Variants in MAP2K5 observed in about 807,000 individuals in gnomAD.
MAP2K5 encodes dual specificity mitogen-activated protein kinase kinase 5.
MAP2K5 carries 49 observed loss-of-function variants against 83.1 expected under a neutral mutation model. The observed-to-expected ratio is 0.59, with a 90% CI of 0.47 to 0.75. MAP2K5 has a LOEUF of 0.75. Ranked by LOEUF, MAP2K5 falls within the 30% of genes least tolerant of loss-of-function variation. The pLI, the probability that MAP2K5 is intolerant of heterozygous loss-of-function variation, is 0.00. For missense variants in MAP2K5, 457 were observed against 557.5 expected, an observed-to-expected ratio of 0.82 and a Z score of 1.82; for synonymous variants, 202 against 191.8, an observed-to-expected ratio of 1.05 and a Z score of -0.44.
intron 11 of MAP2K5, among the ~76,000 whole-genome samples, chr15:67,650,515 G>GT (rs35510441): frequency 0.55 from 79,557 of 144,824 alleles, 22,331 homozygotes; most frequent in East Asian, 0.85. Flanking sequence ...AGTTTGTTGA[G>GT]TTTTTTTTTT....
rs572208512 is a variant in MAP2K5, at chr15:67,747,979, A to G, written c.1075-252A>G. Among the ~76,000 whole-genome samples, 27 of 152,368 alleles carry G rather than the reference A, an allele frequency of 1.8e-4. No homozygotes were observed. The South Asian group carries it at 5.2e-3, about 29-fold the overall frequency. ...CGTAAACAGCCTTTTGAAATGGATT[A>G]TGGTTTTTCTCCCTATTCTAATACA... is the stretch of plus-strand genomic sequence containing the variant. On this transcript the variant is annotated intron_variant, in intron 17 of 21. Coordinates refer to ENST00000178640, the MANE Select transcript of MAP2K5 (RefSeq NM_145160.3). This position sits in a 1 kb window ranked among gnomAD's most constrained non-coding sequence, Gnocchi z 4.1.
intron 16 of MAP2K5, among the ~76,000 whole-genome samples, chr15:67,715,675 T>C (rs189105157): frequency 3.2e-4 from 48 of 152,254 alleles, no homozygotes; most frequent in Middle Eastern, 3.4e-3. Flanking sequence ...ATATGAAGAA[T>C]AAAGAAAGAC....
intron 20 of MAP2K5, among the ~76,000 whole-genome samples, chr15:67,772,457 G>T (rs2090160761): frequency 6.6e-6 from 1 of 152,068 alleles, no homozygotes; most frequent in Non-Finnish European, 1.5e-5. Context: ...TATTTGTGTT[G>T]CAAAATATTT....
chr15:67,796,999 G>A (rs896544906), intron 21 of MAP2K5, among the ~76,000 whole-genome samples: 23 of 152,212 alleles, frequency 1.5e-4, no homozygotes, highest in African/African-American at 5.1e-4. Context: ...GACCCCCAGG[G>A]AGGCTGGGAG....
chr15:67,701,942 C>G (rs894450653), intron 15 of MAP2K5, among the ~76,000 whole-genome samples: 1 of 152,210 alleles, frequency 6.6e-6, no homozygotes, highest in African/African-American at 2.4e-5. Context: ...CGCTCCTGGA[C>G]AGTGCATTTA....
intron 1 of MAP2K5, chr15:67,549,301 A>G (rs894972530): frequency 1.3e-5 from 14 of 1,069,858 alleles, no homozygotes; most frequent in Non-Finnish European, 1.7e-5. Context: ...TTGATGTCAG[A>G]TTATATACCC....
chr15:67,751,307 C>T (rs1415364659), intron 19 of MAP2K5, among the ~76,000 whole-genome samples: 3 of 151,984 alleles, frequency 2.0e-5, no homozygotes, highest in African/African-American at 7.2e-5. Flanking sequence ...CTTGGTGGTC[C>T]AAGTAAATTT....
intron 13 of MAP2K5, among the ~76,000 whole-genome samples, chr15:67,691,646 C>T (rs528642545): frequency 1.3e-5 from 2 of 152,142 alleles, no homozygotes; most frequent in Non-Finnish European, 2.9e-5. Context: ...CTGCTCTATA[C>T]CATCAAAAGT....
At position 67,778,612 on chromosome 15, in the gene MAP2K5, G is replaced by A. The variant is rs758787912; in HGVS notation, c.1242+5860G>A. Among the ~76,000 whole-genome samples the A allele has an allele frequency of 2.8e-4, 43 of 152,148 alleles. No homozygotes were observed. The highest frequency in any genetic ancestry group is 4.4e-4 in the Non-Finnish European group (30 of 68,028). ...CACCAGCAAGTCTTAGAGAAGTCAC[G>A]AGGAAAGATGGAAAAGGATCTTACC... On this transcript the variant is annotated intron_variant, in intron 21 of 21. Transcript: ENST00000178640. The surrounding 1 kb of genome is among the most constrained non-coding windows in gnomAD (Gnocchi z 5.0).
intron 2 of MAP2K5, among the ~76,000 whole-genome samples, chr15:67,558,176 C>T (rs1309229413): frequency 6.6e-6 from 1 of 152,150 alleles, no homozygotes; most frequent in Non-Finnish European, 1.5e-5. Context: ...TCCTTAAGGT[C>T]AGTGGACAGT....
At chr15:67,706,940 G>C (rs2088569075) in intron 16 of MAP2K5, among the ~76,000 whole-genome samples, 1 of 152,182 alleles carries the variant, frequency 6.6e-6, no homozygotes, top group African/African-American at 2.4e-5. Context: ...TTTTGAGACG[G>C]AGTCTTGCTC....
intron 1 of MAP2K5, chr15:67,549,203 A>G: frequency 1.3e-6 from 2 of 1,535,186 alleles, no homozygotes; most frequent in Non-Finnish European, 1.7e-6. Context: ...CACTTTCCCC[A>G]GAGCGTAGGT....
Position 67,791,436 on chromosome 15 carries a change from AC to A in MAP2K5, c.1243-15208del, listed in dbSNP as rs1164731414. On this transcript the variant is annotated intron_variant, in intron 21 of 21. Coordinates refer to ENST00000178640, the MANE Select transcript of MAP2K5 (RefSeq NM_145160.3). Reference sequence around the variant, plus strand: ...AAGAAACTTGGGCTCAGGCATCATTACCATCTTAGAGTGCAGTGTCCTTGTT... The same window carrying A: ...AAGAAACTTGGGCTCAGGCATCATTACATCTTAGAGTGCAGTGTCCTTGTT... Among the ~76,000 whole-genome samples the A allele has an allele frequency of 5.9e-5, 9 of 152,352 alleles. 1 individual carries two copies. Among genetic ancestry groups the A allele is most frequent in the Middle Eastern group, 6.8e-3 (2 of 294 alleles).
At position 67,738,994 on chromosome 15, in the gene MAP2K5, T is replaced by A. The variant is rs1166144178; in HGVS notation, c.1075-9237T>A. Among the ~76,000 whole-genome samples the A allele has an allele frequency of 6.6e-6, 1 of 152,004 alleles. No homozygotes were observed. Among genetic ancestry groups the A allele is most frequent in the African/African-American group, 2.4e-5 (1 of 41,406 alleles). On this transcript the variant is annotated intron_variant, in intron 17 of 21. Transcript: ENST00000178640. This position sits in a 1 kb window ranked among gnomAD's most constrained non-coding sequence, Gnocchi z 4.1. The stretch of plus-strand genomic sequence containing the variant: ...AAAACTCTGAATCAAATATCAAACA[T>A]TGGAGCCAGGTGTGCTAGCTCAAAC...
intron 2 of MAP2K5, 57 bp downstream of exon 2, chr15:67,550,139 G>C: frequency 7.3e-7 from 1 of 1,368,314 alleles, no homozygotes; most frequent in Non-Finnish European, 1.0e-6. Flanking sequence ...TTTTTTAAAG[G>C]GTTTATGGGT....
In MAP2K5 at chr15:67,747,266, G is replaced by C. The variant is rs943328269; in HGVS notation, c.1075-965G>C. 3.9e-5 allele frequency among the ~76,000 whole-genome samples: 6 copies of C among 152,162 alleles called. No homozygotes were observed. Among genetic ancestry groups the C allele is most frequent in the African/African-American group, 1.4e-4 (6 of 41,444 alleles). On this transcript the variant is annotated intron_variant, in intron 17 of 21. Coordinates refer to ENST00000178640, the MANE Select transcript of MAP2K5 (RefSeq NM_145160.3). The surrounding 1 kb of genome is among the most constrained non-coding windows in gnomAD (Gnocchi z 4.1). ...AAAACACCTTTAAAAACATATAAGGGATTATTACTAGTTTCCCTGTATTTT... is the reference window on the plus strand; with the variant it reads ...AAAACACCTTTAAAAACATATAAGGCATTATTACTAGTTTCCCTGTATTTT...
intron 16 of MAP2K5, among the ~76,000 whole-genome samples, chr15:67,707,501 T>C (rs1221028765): frequency 5.9e-5 from 9 of 152,228 alleles, no homozygotes; most frequent in African/African-American, 1.7e-4. Flanking sequence ...ATTCTCTTTC[T>C]AGTAGAAACT....
chr15:67,696,021 G>A (rs1015372522), intron 15 of MAP2K5, among the ~76,000 whole-genome samples: 6 of 151,606 alleles, frequency 4.0e-5, no homozygotes, highest in Non-Finnish European at 8.8e-5. Context: ...CCTACATGGT[G>A]TAAGGTTGGG....
chr15:67,593,581 C>G (rs1165528835), intron 7 of MAP2K5, among the ~76,000 whole-genome samples: 2 of 152,190 alleles, frequency 1.3e-5, no homozygotes, highest in Admixed American at 1.3e-4. Flanking sequence ...TTTAAACATA[C>G]ACTGGTAAAT....
Sources: allele counts gnomAD v4.1 joint callset (sites outside exome capture counted in the v4.1 genomes callset), GRCh38; gene constraint gnomAD v4.1.1; non-coding constraint Gnocchi (gnomAD v3.1); transcripts MANE v1.5; gene names NCBI Gene and HGNC (gene_info 2026-07-23, HGNC 2026-07-21).